FOCAD: variants seen among roughly 807,000 people sequenced by gnomAD.
FOCAD encodes KIAA1797.
FOCAD carries 198 observed loss-of-function variants against 225.6 expected under a neutral mutation model. The observed-to-expected ratio is 0.88, with a 90% CI of 0.78 to 0.99. The LOEUF (loss-of-function observed/expected upper bound fraction) is 0.99, where lower values mean the gene tolerates loss of function less well. Among genes scored for constraint, FOCAD ranks in the 50% least tolerant of loss-of-function variants. FOCAD has a pLI of 0.00. For missense variants in FOCAD, 2,713 were observed against 2,123.6 expected (o/e 1.28, Z -5.46); for synonymous variants, 897 against 755.0 (o/e 1.19, Z -3.08).
rs751746927 is a variant in FOCAD at position 20,758,044 on chromosome 9, G to C, written c.393-46G>C. 5.4e-6 allele frequency: 7 copies of C among 1,304,538 alleles called. No individual in the cohort carries two copies. The African/African-American group carries it at 1.0e-4, about 19-fold the overall frequency. The allele number at this position is 1,304,538 out of a possible 1,614,324, so 80.8% of individuals were successfully genotyped here. A position where few individuals can be genotyped will look rare whatever the true frequency, so the allele number is the denominator to read the frequency against. On this transcript the variant is annotated intron_variant, in intron 5 of 43. Transcript: ENST00000338382. ...TGCTATATTTGGATATTGAAAATGT[G>C]TAGTCCTGAATAACAGGTTCCCATG...
At chr9:20,884,214 T>A (rs1252098066) in intron 20 of FOCAD, among the ~76,000 whole-genome samples, 8 of 152,242 alleles carry the variant, frequency 5.3e-5, no homozygotes, top group African/African-American at 1.9e-4. Flanking sequence ...TACTTATACT[T>A]ATTTACTCAT....
chr9:20,883,587 C>G (rs1301428346), intron 20 of FOCAD, among the ~76,000 whole-genome samples: 1 of 152,046 alleles, frequency 6.6e-6, no homozygotes, highest in East Asian at 1.9e-4. Context: ...AAATAAATAA[C>G]AAAAATGATT....
At chr9:20,831,770 G>A (rs918929302) in intron 15 of FOCAD, among the ~76,000 whole-genome samples, 6 of 151,960 alleles carry the variant, frequency 3.9e-5, no homozygotes, top group African/African-American at 1.4e-4. Context: ...TTTTTGAATA[G>A]AGTTTTGAAA....
chr9:20,705,943 T>G (rs1188968360), intron 1 of FOCAD, among the ~76,000 whole-genome samples: 7 of 146,590 alleles, frequency 4.8e-5, no homozygotes, highest in African/African-American at 1.8e-4. Flanking sequence ...TTTTTTTTTT[T>G]TTTTTTTTTT....
intron 1 of FOCAD, among the ~76,000 whole-genome samples, chr9:20,697,778 A>G (rs1394066898): frequency 6.6e-6 from 1 of 152,260 alleles, no homozygotes; most frequent in Non-Finnish European, 1.5e-5. Context: ...AATGCCCTCT[A>G]GACTGAAGCT....
intron 1 of FOCAD, among the ~76,000 whole-genome samples, chr9:20,688,028 C>T (rs1237321516): frequency 1.3e-5 from 2 of 152,116 alleles, no homozygotes; most frequent in Non-Finnish European, 2.9e-5. Flanking sequence ...AGGTTAGAAA[C>T]GGGACATAGA....
At chr9:20,909,151 T>G (rs1833227494) in intron 22 of FOCAD, among the ~76,000 whole-genome samples, 1 of 152,118 alleles carries the variant, frequency 6.6e-6, no homozygotes, top group Non-Finnish European at 1.5e-5. Flanking sequence ...AAAAAAGCCA[T>G]GAATTTTTAA....
At chr9:20,841,375 G>A (rs1318813338) in intron 15 of FOCAD, among the ~76,000 whole-genome samples, 1 of 151,186 alleles carries the variant, frequency 6.6e-6, no homozygotes, top group Admixed American at 6.6e-5. Flanking sequence ...ATTTACATCA[G>A]TGAAGCCATC....
chr9:20,787,339 A>G (rs929755960), intron 10 of FOCAD, among the ~76,000 whole-genome samples: 6 of 152,186 alleles, frequency 3.9e-5, no homozygotes, highest in Non-Finnish European at 7.3e-5. Flanking sequence ...TAGGTGTTTT[A>G]TAGATATTAT....
chr9:20,829,636 C>A (rs984080694), intron 15 of FOCAD, among the ~76,000 whole-genome samples: 2 of 151,986 alleles, frequency 1.3e-5, no homozygotes, highest in African/African-American at 4.8e-5. Flanking sequence ...GAATTCTGTC[C>A]TGATGCCTCT....
intron 39 of FOCAD, among the ~76,000 whole-genome samples, chr9:20,983,822 A>G (rs544105002): frequency 6.6e-6 from 1 of 152,282 alleles, no homozygotes; most frequent in East Asian, 1.9e-4. Flanking sequence ...TTGAGAGTTC[A>G]GTGAGTTAGT....
intron 23 of FOCAD, among the ~76,000 whole-genome samples, chr9:20,915,036 G>C (rs1833757510): frequency 6.6e-6 from 1 of 152,182 alleles, no homozygotes. Flanking sequence ...ACAAAAGTAT[G>C]GCATTTCCAT....
chr9:20,941,526 A>T lies in FOCAD; in HGVS notation c.3408-3101A>T, dbSNP rs544262770. On this transcript the variant is annotated intron_variant, in intron 28 of 43. Transcript: ENST00000338382. Reference sequence around the variant, plus strand: ...TGAAGATTCATCTCTGATTAATTTTAAAAAATATATATCTGAGTTGATGCA... The same window carrying T: ...TGAAGATTCATCTCTGATTAATTTTTAAAAATATATATCTGAGTTGATGCA... Among the ~76,000 whole-genome samples the T allele has an allele frequency of 4.9e-4, 74 of 152,344 alleles. No individual in the cohort carries two copies. The South Asian group carries it at 0.014, about 30-fold the overall frequency.
chr9:20,742,195 T>G (rs1455699411), intron 5 of FOCAD, among the ~76,000 whole-genome samples: 2 of 152,174 alleles, frequency 1.3e-5, no homozygotes, highest in African/African-American at 4.8e-5. Flanking sequence ...CTGGGTGTGC[T>G]TAAAAAGAGA....
chr9:20,948,412 A>G lies in FOCAD; in HGVS notation c.3798+19A>G. On this transcript the variant is annotated intron_variant, in intron 31 of 43. Coordinates refer to ENST00000338382, the MANE Select transcript of FOCAD (RefSeq NM_001375567.1). Reference sequence around the variant, plus strand: ...AACAGAGGTAGAGGTCACCTGTTGTATGCTATTTCATATTTTTATAATGGA... The same window carrying G: ...AACAGAGGTAGAGGTCACCTGTTGTGTGCTATTTCATATTTTTATAATGGA... 1 of 1,601,712 alleles carries G rather than the reference A, an allele frequency of 6.2e-7. No individual in the cohort carries two copies. Among genetic ancestry groups the G allele is most frequent in the Non-Finnish European group, 8.5e-7 (1 of 1,174,716 alleles).
chr9:20,727,478 G>T (rs141433691), intron 4 of FOCAD, among the ~76,000 whole-genome samples: 1 of 152,178 alleles, frequency 6.6e-6, no homozygotes, highest in South Asian at 2.1e-4. Context: ...TGAGTGCACA[G>T]AACTTTGTTA....
intron 14 of FOCAD, among the ~76,000 whole-genome samples, chr9:20,821,604 A>G (rs1447943505): frequency 6.6e-6 from 1 of 152,106 alleles, no homozygotes; most frequent in Non-Finnish European, 1.5e-5. Flanking sequence ...TAGATTATGG[A>G]TTAATAAACA....
chr9:20,820,985 T>G lies in FOCAD; in HGVS notation c.1707T>G (p.Asp569Glu). ...TGCAGCGTTTCATGGCTGTGTCTGA[T>G]GTACCTTCTCTTTCGGTGGGCAAGG... The part of the protein sequence containing the change: ...PELQRFMAVS[D>E]VPSLSVGKEV... The change falls in exon 14 of 44, where the codon GAT (aspartate) becomes GAG (glutamate). Residue 569 changes from aspartate to glutamate, a missense_variant. Transcript: ENST00000338382. 6.2e-7 allele frequency: 1 copy of G among 1,612,906 alleles called. No homozygotes were observed. Among genetic ancestry groups the G allele is most frequent in the African/African-American group, 1.3e-5 (1 of 74,958 alleles).
chr9:20,882,007 G>C lies in FOCAD; in HGVS notation c.2454G>C (p.Leu818Phe), dbSNP rs771387833. The change falls in exon 20 of 44, where the codon TTG (leucine) becomes TTC (phenylalanine). Residue 818 changes from leucine to phenylalanine, a missense_variant. Physicochemically the swap from Leu to Phe is conservative, Grantham distance 22. Transcript: ENST00000338382. ...TAGCAGGAATCCCCAATTTTATATT[G>C]AAAATGTATGAAACAAACAAGCAAC... ...KTVAGIPNFILKMYETNKQPG... is the reference protein window; with the variant it reads ...KTVAGIPNFIFKMYETNKQPG... 73 of 1,613,730 alleles carry C rather than the reference G, an allele frequency of 4.5e-5. No homozygotes were observed. Among genetic ancestry groups the C allele is most frequent in the Non-Finnish European group, 5.9e-5 (70 of 1,179,838 alleles).
Sources: gnomAD v4.1 joint callset for allele counts (sites outside exome capture counted in the v4.1 genomes callset) on GRCh38, gnomAD v4.1.1 for gene constraint, MANE v1.5 for transcripts, NCBI Gene and HGNC (gene_info 2026-07-23, HGNC 2026-07-21) for gene names.